The following LRRC66 variants were observed in gnomAD, a reference collection of about 807,000 sequenced individuals.
LRRC66 encodes the protein leucine-rich repeat-containing protein 66.
A neutral mutation model predicts 24.6 loss-of-function variants in LRRC66; 29 were observed. That is an observed-to-expected ratio of 1.18 (90% CI 0.88 to 1.61). The LOEUF is 1.61. Among genes scored for constraint, LRRC66 ranks in the 40% most tolerant of loss-of-function variants. The probability of loss-of-function intolerance (pLI) is 0.00; values close to 1 mark genes in which losing one functional copy is unlikely to be tolerated. For synonymous variants in LRRC66, 411 were observed against 397.6 expected (o/e 1.03, Z -0.40); for missense variants, 1,124 against 1,058.0 (o/e 1.06, Z -0.87).
At position 51,997,759 on chromosome 4, in the gene LRRC66, T is replaced by C. The variant is rs1258731619; in HGVS notation, c.845A>G (p.Asn282Ser). ...SWRKKWNVICNRSIGSEEANG... is the reference protein window; with the variant it reads ...SWRKKWNVICSRSIGSEEANG... ...CATTACTGACTTACCTATAGACCTG[T>C]TGCAAATGACATTCCACTTTTTCCT... is the stretch of plus-strand genomic sequence containing the variant. Residue 282 changes from asparagine to serine, a missense_variant, in exon 4 of 5, where the codon AAC becomes AGC. Physicochemically the swap from Asn to Ser is conservative, Grantham distance 46. Coordinates refer to ENST00000682860, the MANE Select transcript of LRRC66 (RefSeq NM_001024611.3). The C allele has an allele frequency of 1.2e-6, 2 of 1,613,844 alleles. No homozygotes were observed. The highest frequency in any genetic ancestry group is 1.7e-6 in the Non-Finnish European group (2 of 1,179,884).
chr4:52,010,490 C>T (rs1736675441), intron 2 of LRRC66, among the ~76,000 whole-genome samples: 1 of 152,168 alleles, frequency 6.6e-6, no homozygotes. Flanking sequence ...CACTCCTCCT[C>T]CTTCTAGTGG....
At chr4:52,018,158 CTG>C in intron 1 of LRRC66, 1 of 985,342 alleles carries the variant, frequency 1.0e-6, no homozygotes, top group Non-Finnish European at 1.2e-6. Flanking sequence ...ACAAGTTTTG[CTG>C]TGTGGCTTGT....
intron 2 of LRRC66, among the ~76,000 whole-genome samples, chr4:52,011,155 C>T (rs1218206757): frequency 6.6e-6 from 1 of 152,114 alleles, no homozygotes; most frequent in Non-Finnish European, 1.5e-5. Context: ...CTTAAGTGCT[C>T]TCCCAAGTAT....
Position 52,019,154 on chromosome 4 carries a change from C to T in LRRC66, c.-6+1150G>A, listed in dbSNP as rs1217226053. Among the ~76,000 whole-genome samples the T allele has an allele frequency of 3.3e-5, 5 of 152,150 alleles. No individual in the cohort carries two copies. The South Asian group carries it at 8.3e-4, about 25-fold the overall frequency. On this transcript the variant is annotated intron_variant, in intron 1 of 4. Transcript: ENST00000682860. ...CCTCCCAAAGTGCTGGGATTACAGG[C>T]GTGAGCCACCACACCCGGCCAGCCA... is the stretch of plus-strand genomic sequence containing the variant.
At chr4:52,018,993 C>T (rs1448399665) in intron 1 of LRRC66, among the ~76,000 whole-genome samples, 4 of 152,214 alleles carry the variant, frequency 2.6e-5, no homozygotes, top group African/African-American at 9.7e-5. Flanking sequence ...TCTCCTGCCT[C>T]AGCCTCCCGA....
At position 52,018,511 on chromosome 4, in the gene LRRC66, C is replaced by CA. The variant is rs1163459852; in HGVS notation, c.-5-894dup. ...CCTTCCTTTCTGTTCTAATGGCACT[C>CA]AGTTTAGTTTTCATCACTGCAGTCT... On this transcript the variant is annotated intron_variant, in intron 1 of 4. Transcript: ENST00000682860. 4 of 985,280 alleles carry CA rather than the reference C, an allele frequency of 4.1e-6. No homozygotes were observed. In the African/African-American group the frequency reaches 7.0e-5, roughly 17 times the overall value. The allele number at this position is 985,280 out of a possible 1,614,324, so 61.0% of individuals were successfully genotyped here. A position where few individuals can be genotyped will look rare whatever the true frequency, so the allele number is the denominator to read the frequency against.
intron 1 of LRRC66, chr4:52,018,043 T>G: frequency 1.0e-6 from 1 of 985,442 alleles, no homozygotes; most frequent in Non-Finnish European, 1.2e-6. Flanking sequence ...TGTAGTTTAT[T>G]ACATAAATGA....
intron 2 of LRRC66, among the ~76,000 whole-genome samples, chr4:52,011,785 A>G (rs1736709956): frequency 6.6e-6 from 1 of 152,196 alleles, no homozygotes; most frequent in Non-Finnish European, 1.5e-5. Flanking sequence ...CTATACATAT[A>G]CTTATTCTCA....
rs1232258326 is a variant in LRRC66 at position 51,995,676 on chromosome 4, A to G, written c.1346T>C (p.Leu449Pro). ...AGGGGTCTGGTTCTCGTAGAGGCTT[A>G]GATGAGGAAATACTTGGCGCAGATG... is the stretch of plus-strand genomic sequence containing the variant. ...ETHLRQVFPH[L>P]SLYENQTPFW... is the part of the protein sequence containing the mutation. Residue 449 changes from leucine (L) to proline (P), a missense_variant, in exon 5 of 5, where the codon CTA becomes CCA. Physicochemically the swap from Leu to Pro is moderately conservative, Grantham distance 98. Transcript: ENST00000682860. 14 of 1,614,130 alleles carry G rather than the reference A, an allele frequency of 8.7e-6. No individual in the cohort carries two copies. In the Middle Eastern group the frequency reaches 6.6e-4, roughly 76 times the overall value.
intron 3 of LRRC66, among the ~76,000 whole-genome samples, chr4:52,000,729 AG>A (rs1736429234): frequency 6.6e-6 from 1 of 152,220 alleles, no homozygotes; most frequent in African/African-American, 2.4e-5. Context: ...GCAGCCCACA[AG>A]GAACTGAATC....
At chr4:52,003,676 G>A (rs951139581) in intron 2 of LRRC66, among the ~76,000 whole-genome samples, 1 of 152,182 alleles carries the variant, frequency 6.6e-6, no homozygotes, top group Admixed American at 6.5e-5. Flanking sequence ...CATAGATTTT[G>A]AGTGAGCAGG....
At position 51,995,994 on chromosome 4, in the gene LRRC66, G is replaced by C. The variant is rs760813629; in HGVS notation, c.1028C>G (p.Ser343Cys). 8 of 1,613,946 alleles carry C rather than the reference G, an allele frequency of 5.0e-6. No homozygotes were observed. Among genetic ancestry groups the C allele is most frequent in the Middle Eastern group, 1.6e-4 (1 of 6,062 alleles). Residue 343 changes from serine (S) to cysteine (C), a missense_variant, in exon 5 of 5, where the codon TCT becomes TGT. Coordinates refer to ENST00000682860, the MANE Select transcript of LRRC66 (RefSeq NM_001024611.3). ...STLGKKAKAG[S>C]GLRKKQRRLP... ...CCGTCTCTGCTTCTTCCTGAGACCA[G>C]AGCCGGCCTTTGCCTTCTTCCCCAG...
chr4:51,994,724 G>T lies in LRRC66; in HGVS notation c.2298C>A (p.Cys766Ter), dbSNP rs1578109672. The stretch of plus-strand genomic sequence containing the variant: ...TTTCAAAGGGATCTTCTTGATTCTT[G>T]CATTTCCCTGGAATTGTTTGGAAGG... ...NVTFQTIPGK[C>*]KNQEDPFEKP... Residue 766 changes from cysteine (C) to a stop codon, truncating the protein, a stop_gained, in exon 5 of 5, where the codon TGC becomes TGA. Coordinates refer to ENST00000682860, the MANE Select transcript of LRRC66 (RefSeq NM_001024611.3). LOFTEE classifies it low-confidence loss of function (END_TRUNC). The T allele has an allele frequency of 6.2e-7, 1 of 1,614,176 alleles. No homozygotes were observed. The highest frequency in any genetic ancestry group is 8.5e-7 in the Non-Finnish European group (1 of 1,180,034).
rs565118180 is a variant in LRRC66, at chr4:51,994,160, C to A, written c.*219G>T. On this transcript the variant is annotated 3_prime_UTR_variant, in exon 5 of 5. Coordinates refer to ENST00000682860, the MANE Select transcript of LRRC66 (RefSeq NM_001024611.3). ...TCTCTTTCACACTGAAGAGCAGGTT[C>A]ATCCCCATAGGATGTTAACAAGTGT... The A allele has an allele frequency of 0.011, 5,808 of 514,276 alleles. 221 individuals carry two copies. Among genetic ancestry groups the A allele is most frequent in the East Asian group, 0.072 (2,260 of 31,538 alleles). The allele number at this position is 514,276 out of a possible 1,614,324, so 31.9% of individuals were successfully genotyped here. A position where few individuals can be genotyped will look rare whatever the true frequency, so the allele number is the denominator to read the frequency against.
chr4:51,999,111 G>A (rs936616692), intron 3 of LRRC66, among the ~76,000 whole-genome samples: 4 of 152,180 alleles, frequency 2.6e-5, no homozygotes, highest in Admixed American at 2.0e-4. Context: ...GAGGCCTGGG[G>A]CAGAGGCACC....
chr4:51,996,867 C>T (rs1343303155), intron 4 of LRRC66, among the ~76,000 whole-genome samples: 9 of 152,112 alleles, frequency 5.9e-5, no homozygotes, highest in East Asian at 1.9e-4. Flanking sequence ...ATAATCTTAC[C>T]GACTCTGTGT....
chr4:52,006,580 T>C (rs1208655383), intron 2 of LRRC66, among the ~76,000 whole-genome samples: 3 of 147,538 alleles, frequency 2.0e-5, no homozygotes, highest in Admixed American at 6.7e-5. Flanking sequence ...AGGGATAGCA[T>C]TGGGAGATAT....
In LRRC66 at chr4:52,017,122, G is replaced by A. The variant is rs1262516391; in HGVS notation, c.492C>T (p.Pro164=). Residue 164 remains proline (P), a synonymous_variant, in exon 2 of 5, where the codon CCC becomes CCT. Coordinates refer to ENST00000682860, the MANE Select transcript of LRRC66 (RefSeq NM_001024611.3). ...ILQRNKLSDT[P]KGLWKLKSLQ... is the part of the protein sequence containing the mutation. ...CCTAGTTAAAATTGTACTCACCCTT[G>A]GGAGTGTCACTGAGTTTATTTCTTT... 4 of 1,612,316 alleles carry A rather than the reference G, an allele frequency of 2.5e-6. No homozygotes were observed. Among genetic ancestry groups the A allele is most frequent in the Non-Finnish European group, 3.4e-6 (4 of 1,179,258 alleles).
chr4:52,019,964 T>C (rs1464017335), intron 1 of LRRC66, among the ~76,000 whole-genome samples: 1 of 152,142 alleles, frequency 6.6e-6, no homozygotes, highest in Non-Finnish European at 1.5e-5. Flanking sequence ...AAAAAAATCA[T>C]ACTATTTATA....
Sources: gnomAD v4.1 joint callset for allele counts (sites outside exome capture counted in the v4.1 genomes callset) on GRCh38, gnomAD v4.1.1 for gene constraint, MANE v1.5 for transcripts, NCBI Gene and HGNC (gene_info 2026-07-23, HGNC 2026-07-21) for gene names.